Variants in PLAGL1 observed in about 807,000 individuals in gnomAD.
PLAGL1 encodes PLAG1 like zinc finger 1.
PLAGL1 carries 1 observed loss-of-function variant against 4.6 expected under a neutral mutation model. The ratio of observed to expected loss-of-function variants is 0.22; its 90% CI spans 0.08 to 1.03. The LOEUF is 1.03. PLAGL1 is among the 50% of genes least tolerant of loss of function. The probability of loss-of-function intolerance (pLI) is 0.58; values close to 1 mark genes in which losing one functional copy is unlikely to be tolerated. For missense variants in PLAGL1, 464 were observed against 570.4 expected (o/e 0.81, Z 1.90); for synonymous variants, 240 against 237.8 (o/e 1.01, Z -0.08).
chr6:143,980,563 A>T (rs1787714672), intron 2 of PLAGL1, among the ~76,000 whole-genome samples: 1 of 152,112 alleles, frequency 6.6e-6, no homozygotes, highest in Admixed American at 6.6e-5. Flanking sequence ...TAACCACCTT[A>T]TGCTTTCCAC....
At position 143,954,661 on chromosome 6, in the gene PLAGL1, A is replaced by G. The variant is rs1454388698; in HGVS notation, c.-325+5808T>C. On this transcript the variant is annotated intron_variant, in intron 6 of 7. Coordinates refer to ENST00000674357, the MANE Select transcript of PLAGL1 (RefSeq NM_001317162.2). The surrounding 1 kb of genome is among the most constrained non-coding windows in gnomAD (Gnocchi z 5.1). ...TAACAAAACAGAGTATACTATCTTC[A>G]TCACATGACAAAGTTACCTATTATC... is the stretch of plus-strand genomic sequence containing the variant. 1.3e-5 allele frequency among the ~76,000 whole-genome samples: 2 copies of G among 152,270 alleles called. No homozygotes were observed. The highest frequency in any genetic ancestry group is 4.8e-5 in the African/African-American group (2 of 41,476).
At chr6:144,043,474 C>T (rs576109083) in intron 1 of PLAGL1, among the ~76,000 whole-genome samples, 61 of 151,972 alleles carry the variant, frequency 4.0e-4, no homozygotes, top group Non-Finnish European at 5.0e-4. Flanking sequence ...TGATAGATTA[C>T]GTTTATCGAT....
In PLAGL1 at chr6:144,036,417, C is replaced by T. The variant is rs1399950355; in HGVS notation, c.-151+28051G>A. On this transcript the variant is annotated intron_variant, in intron 1 of 3. Coordinates refer to the PLAGL1 transcript ENST00000437412. This position sits in a 1 kb window ranked among gnomAD's most constrained non-coding sequence, Gnocchi z 5.1. ...GCCCACATGCCCAGTACCAAAGGGG[C>T]ACATGCTCCACACCAAATGGGCAAA... 2.6e-5 allele frequency among the ~76,000 whole-genome samples: 4 copies of T among 152,164 alleles called. No individual in the cohort carries two copies. Among genetic ancestry groups the T allele is most frequent in the African/African-American group, 9.7e-5 (4 of 41,442 alleles).
chr6:143,970,430 G>A lies in PLAGL1; in HGVS notation c.-543-1452C>T, dbSNP rs1785204762. ...AATGATTAGGTATCTAATTATTACA[G>A]ATGATCTTTATAATAGTCATATCTG... On this transcript the variant is annotated intron_variant, in intron 2 of 7. Coordinates refer to ENST00000674357, the MANE Select transcript of PLAGL1 (RefSeq NM_001317162.2). The surrounding 1 kb of genome is among the most constrained non-coding windows in gnomAD (Gnocchi z 5.8). Among the ~76,000 whole-genome samples the A allele has an allele frequency of 6.6e-6, 1 of 152,146 alleles. No individual in the cohort carries two copies. The highest frequency in any genetic ancestry group is 2.4e-5 in the African/African-American group (1 of 41,424).
rs1008581224 is a variant in PLAGL1 at position 143,948,102 on chromosome 6, G to C, written c.35C>G (p.Thr12Arg). 1 of 1,613,854 alleles carries C rather than the reference G, an allele frequency of 6.2e-7. No homozygotes were observed. The highest frequency in any genetic ancestry group is 8.5e-7 in the Non-Finnish European group (1 of 1,179,838). Reference sequence around the variant, plus strand: ...CGTGAACTTCTCCAGGGTGAGGAACGTCTTGCCACATAACTGGCAGGGGAA... The same window carrying C: ...CGTGAACTTCTCCAGGGTGAGGAACCTCTTGCCACATAACTGGCAGGGGAA... ...ATFPCQLCGK[T>R]FLTLEKFTIH... Residue 12 changes from threonine (T) to arginine (R), a missense_variant, in exon 7 of 8, where the codon ACG becomes AGG. By Grantham distance (71) the Thr-to-Arg change is moderately conservative. Transcript: ENST00000674357. The surrounding 1 kb of genome is among the most constrained non-coding windows in gnomAD (Gnocchi z 6.0).
In PLAGL1 at chr6:144,048,568, G is replaced by A. The variant is rs1798347799; in HGVS notation, c.-151+15900C>T. On this transcript the variant is annotated intron_variant, in intron 1 of 3. Coordinates refer to the PLAGL1 transcript ENST00000437412. The surrounding 1 kb of genome is among the most constrained non-coding windows in gnomAD (Gnocchi z 4.8). Reference sequence around the variant, plus strand: ...AAGCCTCCAAGGCTTACAGCTTGCAGTCTCTGAAGCAATGGCTTGAGCTGT... The same window carrying A: ...AAGCCTCCAAGGCTTACAGCTTGCAATCTCTGAAGCAATGGCTTGAGCTGT... Among the ~76,000 whole-genome samples, 1 of 152,240 alleles carries A rather than the reference G, an allele frequency of 6.6e-6. No homozygotes were observed. Among genetic ancestry groups the A allele is most frequent in the South Asian group, 2.1e-4 (1 of 4,834 alleles).
In PLAGL1 at chr6:143,985,629, T is replaced by C. The variant is rs1308575262; in HGVS notation, c.-583-455A>G. On this transcript the variant is annotated intron_variant, in intron 1 of 7. Coordinates refer to ENST00000674357, the MANE Select transcript of PLAGL1 (RefSeq NM_001317162.2). This position sits in a 1 kb window ranked among gnomAD's most constrained non-coding sequence, Gnocchi z 4.4. ...TCCTTGTCCATAGTTCTATGTCTAC[T>C]ACTACTACTACTACTTCCTATATGT... Among the ~76,000 whole-genome samples, 2 of 151,962 alleles carry C rather than the reference T, an allele frequency of 1.3e-5. No individual in the cohort carries two copies. The highest frequency in any genetic ancestry group is 2.9e-5 in the Non-Finnish European group (2 of 68,024).
intron 1 of PLAGL1, among the ~76,000 whole-genome samples, chr6:144,035,962 T>G (rs1797204867): frequency 6.6e-6 from 1 of 152,104 alleles, no homozygotes; most frequent in African/African-American, 2.4e-5. Context: ...AGAAACTTCT[T>G]TAAGGAGGTG....
intron 1 of PLAGL1, among the ~76,000 whole-genome samples, chr6:144,002,258 AC>A (rs1028009020): frequency 3.3e-5 from 5 of 152,208 alleles, no homozygotes; most frequent in African/African-American, 9.6e-5. Flanking sequence ...TGAACTAGAA[AC>A]AGAAGAAAAT....
rs1003107332 is a variant in PLAGL1 at position 144,063,737 on chromosome 6, A to G, written c.-151+731T>C. ...GGGGTATCTCTGTCCTCGACACAGC[A>G]GGGGCCCTACAAACCCAACACGGCT... On this transcript the variant is annotated intron_variant, in intron 1 of 3. Transcript: ENST00000437412. The surrounding 1 kb of genome is among the most constrained non-coding windows in gnomAD (Gnocchi z 5.7). Among the ~76,000 whole-genome samples, 11 of 152,118 alleles carry G rather than the reference A, an allele frequency of 7.2e-5. No individual in the cohort carries two copies. Among genetic ancestry groups the G allele is most frequent in the Non-Finnish European group, 1.5e-4 (10 of 67,990 alleles).
chr6:143,941,998 T>C lies in PLAGL1; in HGVS notation c.818A>G (p.Gln273Arg), dbSNP rs1201523325. 2 of 1,593,160 alleles carry C rather than the reference T, an allele frequency of 1.3e-6. No homozygotes were observed. The highest frequency in any genetic ancestry group is 1.7e-6 in the Non-Finnish European group (2 of 1,169,234). Residue 273 changes from glutamine to arginine, a missense_variant, in exon 8 of 8, where the codon CAG becomes CGG. Physicochemically the swap from Gln to Arg is conservative, Grantham distance 43. Coordinates refer to ENST00000674357, the MANE Select transcript of PLAGL1 (RefSeq NM_001317162.2). This position sits in a 1 kb window ranked among gnomAD's most constrained non-coding sequence, Gnocchi z 6.0. ...GGACTCTGGCAGCGGCTGCATAGGC[T>C]GGGCGGCTTGTTCTGGGGGACTGAG... ...LTLSPPEQAA[Q>R]PMQPLPESLA...
intron 1 of PLAGL1, among the ~76,000 whole-genome samples, chr6:144,025,700 G>A (rs1478040567): frequency 6.6e-6 from 1 of 152,022 alleles, no homozygotes; most frequent in Admixed American, 6.6e-5. Flanking sequence ...GACCAGCCTG[G>A]CCAATATGGT....
rs1390695656 is a variant in PLAGL1 at position 144,053,422 on chromosome 6, C to A, written c.-151+11046G>T. On this transcript the variant is annotated intron_variant, in intron 1 of 3. Transcript: ENST00000437412. The surrounding 1 kb of genome is among the most constrained non-coding windows in gnomAD (Gnocchi z 4.0). Reference sequence around the variant, plus strand: ...TTGCTGGTGTTACAGGCGTGAGCCACCACACCCGGCCTAATTAGTCATTAA... The same window carrying A: ...TTGCTGGTGTTACAGGCGTGAGCCAACACACCCGGCCTAATTAGTCATTAA... 6.6e-6 allele frequency among the ~76,000 whole-genome samples: 1 copy of A among 152,174 alleles called. No homozygotes were observed. The highest frequency in any genetic ancestry group is 1.5e-5 in the Non-Finnish European group (1 of 68,034).
chr6:144,010,783 T>A (rs990236312), upstream of PLAGL1, among the ~76,000 whole-genome samples: 7 of 151,626 alleles, frequency 4.6e-5, no homozygotes, highest in Non-Finnish European at 8.8e-5. This position sits in a 1 kb window ranked among gnomAD's most constrained non-coding sequence, Gnocchi z 4.1. Flanking sequence ...CAGAACAGAG[T>A]CCTCAGAAAT....
In PLAGL1 at chr6:143,941,311, G is replaced by A; in HGVS notation, c.*113C>T. The A allele has an allele frequency of 1.3e-6, 1 of 757,018 alleles. No homozygotes were observed. The highest frequency in any genetic ancestry group is 1.8e-5 in the African/African-American group (1 of 57,004). The allele number at this position is 757,018 out of a possible 1,614,324, so 46.9% of individuals were successfully genotyped here. On this transcript the variant is annotated 3_prime_UTR_variant, in exon 8 of 8. Coordinates refer to ENST00000674357, the MANE Select transcript of PLAGL1 (RefSeq NM_001317162.2). The surrounding 1 kb of genome is among the most constrained non-coding windows in gnomAD (Gnocchi z 6.0). Reference sequence around the variant, plus strand: ...TTATCATCTCAAGCCAGTCATCACTGAATAAGCCATAGTCCCAGTCTCGTT... The same window carrying A: ...TTATCATCTCAAGCCAGTCATCACTAAATAAGCCATAGTCCCAGTCTCGTT...
At chr6:144,037,625 A>T (rs1797342999) in intron 1 of PLAGL1, 1 of 152,126 alleles carries the variant, frequency 6.6e-6, no homozygotes, top group Admixed American at 6.6e-5. Flanking sequence ...GTTTTAGAAG[A>T]TATTTTAAAG....
At position 143,971,897 on chromosome 6, in the gene PLAGL1, T is replaced by C. The variant is rs902745939; in HGVS notation, c.-543-2919A>G. ...TTAATGGAAATATCTAAACATTACG[T>C]TGTGGTTTATTTTTAGGAAAGAATA... On this transcript the variant is annotated intron_variant, in intron 2 of 7. Coordinates refer to ENST00000674357, the MANE Select transcript of PLAGL1 (RefSeq NM_001317162.2). This position sits in a 1 kb window ranked among gnomAD's most constrained non-coding sequence, Gnocchi z 4.7. Among the ~76,000 whole-genome samples the C allele has an allele frequency of 6.6e-6, 1 of 152,232 alleles. No homozygotes were observed. Among genetic ancestry groups the C allele is most frequent in the Non-Finnish European group, 1.5e-5 (1 of 68,034 alleles).
rs148504190 is a variant in PLAGL1 at position 144,003,466 on chromosome 6, T to C, written c.-584+4624A>G. Among the ~76,000 whole-genome samples, 121 of 151,870 alleles carry C rather than the reference T, an allele frequency of 8.0e-4. 1 individual carries two copies. Among genetic ancestry groups the C allele is most frequent in the African/African-American group, 2.7e-3 (111 of 41,406 alleles). ...GGTGAAACCCCGTCTGTACTAAAAA[T>C]ACAAAAAATTATCCAGGCATAGTGG... On this transcript the variant is annotated intron_variant, in intron 1 of 7. Transcript: ENST00000674357.
At position 144,035,387 on chromosome 6, in the gene PLAGL1, G is replaced by A. The variant is rs552240576; in HGVS notation, c.-151+29081C>T. ...GAGTCCAAAAGCTGAAGTACTTGGA[G>A]TCTAATGTTCAAGGGCAGCAAGCAT... is the stretch of plus-strand genomic sequence containing the variant. On this transcript the variant is annotated intron_variant, in intron 1 of 3. Coordinates refer to the PLAGL1 transcript ENST00000437412. 6.6e-5 allele frequency among the ~76,000 whole-genome samples: 10 copies of A among 152,334 alleles called. No homozygotes were observed. In the South Asian group the frequency reaches 1.9e-3, roughly 28 times the overall value.
Sources: allele counts gnomAD v4.1 joint callset (sites outside exome capture counted in the v4.1 genomes callset), GRCh38; gene constraint gnomAD v4.1.1; non-coding constraint Gnocchi (gnomAD v3.1); transcripts MANE v1.5; gene names NCBI Gene and HGNC (gene_info 2026-07-23, HGNC 2026-07-21).